LRP1B: variants seen among roughly 807,000 people sequenced by gnomAD.
The protein encoded by LRP1B is low-density lipoprotein receptor-related protein 1B.
In LRP1B, 217 loss-of-function variants were observed where a neutral mutation model predicts 556.6. That is an observed-to-expected ratio of 0.39 (90% CI 0.35 to 0.44). LRP1B has a LOEUF of 0.44. Among genes scored for constraint, LRP1B ranks in the 20% least tolerant of loss-of-function variants. LRP1B has a pLI of 1.00. For missense variants in LRP1B, 5,053 were observed against 5,620.8 expected, an observed-to-expected ratio of 0.90 and a Z score of 3.23; for synonymous variants, 2,047 against 1,865.8, an observed-to-expected ratio of 1.10 and a Z score of -2.50.
chr2:141,136,602 A>T (rs1028580129), intron 7 of LRP1B, among the ~76,000 whole-genome samples: 1 of 142,750 alleles, frequency 7.0e-6, no homozygotes, highest in Admixed American at 7.6e-5. Flanking sequence ...CAATATACAT[A>T]GTGGAACACA....
intron 3 of LRP1B, among the ~76,000 whole-genome samples, chr2:141,292,813 C>A (rs1479989606): frequency 6.6e-6 from 1 of 152,042 alleles, no homozygotes; most frequent in Non-Finnish European, 1.5e-5. Context: ...ACTTGACAAC[C>A]AAATGCAATG....
chr2:141,608,274 T>C (rs1428174766), intron 2 of LRP1B, among the ~76,000 whole-genome samples: 2 of 152,200 alleles, frequency 1.3e-5, no homozygotes, highest in Non-Finnish European at 2.9e-5. Context: ...CAATGCCATA[T>C]ACTGCATGGT....
intron 66 of LRP1B, among the ~76,000 whole-genome samples, chr2:140,426,733 A>G (rs1345610379): frequency 6.6e-6 from 1 of 152,174 alleles, no homozygotes; most frequent in African/African-American, 2.4e-5. Context: ...GCCTGCACCC[A>G]GGTGAAATAA....
intron 7 of LRP1B, among the ~76,000 whole-genome samples, chr2:141,107,975 T>C (rs1700650165): frequency 6.6e-6 from 1 of 152,156 alleles, no homozygotes; most frequent in African/African-American, 2.4e-5. Context: ...CAAGTACTCA[T>C]TATATCAGCT....
chr2:140,347,353 TCTAA>T (rs560024403), intron 77 of LRP1B, among the ~76,000 whole-genome samples: 63 of 151,908 alleles, frequency 4.1e-4, no homozygotes, highest in African/African-American at 1.5e-3. Context: ...TAAAAGTATT[TCTAA>T]CTAACTATAA....
intron 1 of LRP1B, among the ~76,000 whole-genome samples, chr2:141,903,956 T>C (rs1699689336): frequency 6.6e-6 from 1 of 151,798 alleles, no homozygotes; most frequent in Non-Finnish European, 1.5e-5. Flanking sequence ...ATGAACATCA[T>C]GAGAAGAAGC....
intron 7 of LRP1B, among the ~76,000 whole-genome samples, chr2:141,121,832 C>T (rs916762655): frequency 1.1e-4 from 17 of 152,110 alleles, no homozygotes; most frequent in Admixed American, 7.2e-4. Context: ...GGAGACATCA[C>T]GCTACCTGAC....
intron 82 of LRP1B, among the ~76,000 whole-genome samples, chr2:140,319,588 C>T (rs1255549621): frequency 1.3e-5 from 2 of 152,066 alleles, no homozygotes; most frequent in African/African-American, 2.4e-5. Context: ...TGCATGGATA[C>T]ACAAGAGAAA....
At chr2:140,540,719 T>C (rs1453559204) in intron 45 of LRP1B, among the ~76,000 whole-genome samples, 1 of 149,596 alleles carries the variant, frequency 6.7e-6, no homozygotes, top group Non-Finnish European at 1.5e-5. Context: ...CTTCTCTAGC[T>C]AGCCCCAGCA....
intron 76 of LRP1B, among the ~76,000 whole-genome samples, chr2:140,352,692 A>T (rs1175036769): frequency 6.6e-6 from 1 of 152,180 alleles, no homozygotes; most frequent in South Asian, 2.1e-4. Context: ...GGCTTTTAAA[A>T]TTTTACCCCT....
chr2:141,148,247 G>C (rs538996156), intron 7 of LRP1B, among the ~76,000 whole-genome samples: 26 of 152,320 alleles, frequency 1.7e-4, no homozygotes, highest in Middle Eastern at 3.4e-3. Flanking sequence ...GGTGTCCAAT[G>C]AGGTCAGTCT....
At chr2:141,126,403 A>T (rs1701213371) in intron 7 of LRP1B, among the ~76,000 whole-genome samples, 1 of 152,196 alleles carries the variant, frequency 6.6e-6, no homozygotes, top group Non-Finnish European at 1.5e-5. Flanking sequence ...GAGGGCACTC[A>T]GTAGAAACTC....
intron 1 of LRP1B, among the ~76,000 whole-genome samples, chr2:141,894,491 A>G (rs1699380508): frequency 6.6e-6 from 1 of 152,104 alleles, no homozygotes; most frequent in South Asian, 2.1e-4. Context: ...AACCAGCTGT[A>G]AGACATTACT....
chr2:140,707,464 T>G (rs545852741), intron 37 of LRP1B, among the ~76,000 whole-genome samples: 1 of 152,252 alleles, frequency 6.6e-6, no homozygotes, highest in African/African-American at 2.4e-5. Flanking sequence ...AGCCTTTACA[T>G]GAGCATAAGC....
At chr2:140,310,774 A>G (rs1449692267) in intron 83 of LRP1B, among the ~76,000 whole-genome samples, 2 of 151,972 alleles carry the variant, frequency 1.3e-5, no homozygotes. Context: ...TTTAAATGTA[A>G]GAACTGAAAC....
intron 2 of LRP1B, chr2:141,805,745 T>C (rs982826518): frequency 7.9e-5 from 12 of 152,252 alleles, no homozygotes; most frequent in African/African-American, 2.9e-4. Context: ...TTAAAGGTTT[T>C]CAAAACAAAC....
chr2:141,179,892 C>CTTTTT (rs11433781), intron 7 of LRP1B, among the ~76,000 whole-genome samples: 1,286 of 125,930 alleles, frequency 0.01, 8 homozygotes, highest in Middle Eastern at 0.024. Flanking sequence ...TTGGTTTTTC[C>CTTTTT]TTTTTTTTTT....
chr2:140,478,191 C>T (rs935277722), intron 59 of LRP1B, among the ~76,000 whole-genome samples: 1 of 147,736 alleles, frequency 6.8e-6, no homozygotes, highest in Admixed American at 6.8e-5. Context: ...GCTCTGTTGC[C>T]CACGCTGGAG....
intron 1 of LRP1B, among the ~76,000 whole-genome samples, chr2:141,836,515 C>T (rs1697284700): frequency 1.3e-5 from 2 of 151,782 alleles, no homozygotes; most frequent in African/African-American, 2.4e-5. Context: ...CAGAATCAAA[C>T]AGCTGCTAGA....
Sources: allele counts gnomAD v4.1 joint callset (sites outside exome capture counted in the v4.1 genomes callset), GRCh38; gene constraint gnomAD v4.1.1; transcripts MANE v1.5; gene names NCBI Gene and HGNC (gene_info 2026-07-23, HGNC 2026-07-21).